Variants in IYD observed in about 807,000 individuals in gnomAD.
The protein encoded by IYD is iodotyrosine deiodinase 1.
Under a neutral mutation model 28.4 loss-of-function variants are expected in IYD, and 25 were observed. That is an observed-to-expected ratio of 0.88 (90% CI 0.64 to 1.23). The LOEUF (loss-of-function observed/expected upper bound fraction) is 1.23. IYD is among the 50% of genes most tolerant of loss of function. IYD has a pLI of 0.00. For synonymous variants in IYD, 140 were observed against 130.8 expected, an observed-to-expected ratio of 1.07 and a Z score of -0.48; for missense variants, 352 against 357.9, an observed-to-expected ratio of 0.98 and a Z score of 0.13.
At chr6:150,375,101 C>T (rs991613990) in intron 1 of IYD, among the ~76,000 whole-genome samples, 4 of 152,210 alleles carry the variant, frequency 2.6e-5, no homozygotes, top group Non-Finnish European at 5.9e-5. Flanking sequence ...ATCTATACAG[C>T]AGCCAGATGT....
At chr6:150,369,877 C>A (rs1167378928) in intron 1 of IYD, 9 of 674,586 alleles carry the variant, frequency 1.3e-5, no homozygotes, top group Non-Finnish European at 2.2e-5. Context: ...GGAGCAGAAG[C>A]ACCTGGAGGC....
chr6:150,378,434 G>GT (rs1029906201), intron 1 of IYD, among the ~76,000 whole-genome samples: 2 of 151,966 alleles, frequency 1.3e-5, no homozygotes, highest in African/African-American at 4.8e-5. Context: ...GCGGTGTTTG[G>GT]TTTTTTGTCC....
At chr6:150,371,898 C>G (rs989641675) in intron 1 of IYD, among the ~76,000 whole-genome samples, 1 of 152,110 alleles carries the variant, frequency 6.6e-6, no homozygotes, top group Non-Finnish European at 1.5e-5. Context: ...CAGTGAGAAC[C>G]AATGCTTAAA....
intron 2 of IYD, among the ~76,000 whole-genome samples, chr6:150,391,233 CAAAAAAA>C (rs3842126): frequency 0.021 from 2,417 of 114,160 alleles, 62 homozygotes; most frequent in African/African-American, 0.068. Context: ...GAGACGCCAT[CAAAAAAA>C]AAAAAAAAAA....
intron 1 of IYD, among the ~76,000 whole-genome samples, chr6:150,387,514 T>C (rs955666679): frequency 1.3e-5 from 2 of 151,960 alleles, no homozygotes; most frequent in African/African-American, 4.8e-5. Flanking sequence ...AAATCTCAGA[T>C]GCTATCTTTT....
chr6:150,369,217 C>T lies in IYD; in HGVS notation c.178+8C>T. 1 of 1,611,070 alleles carries T rather than the reference C, an allele frequency of 6.2e-7. No homozygotes were observed. On this transcript the variant is annotated splice_region_variant and intron_variant, in intron 1 of 4. Coordinates refer to ENST00000344419, the MANE Select transcript of IYD (RefSeq NM_203395.3). ...TGCACCAAGCAGAAGAAGGTAAAGACACCAGCTATGCTGCTTAGCTTCGCT... is the reference window on the plus strand; with the variant it reads ...TGCACCAAGCAGAAGAAGGTAAAGATACCAGCTATGCTGCTTAGCTTCGCT...
At chr6:150,388,300 T>C (rs1405101456) in intron 1 of IYD, among the ~76,000 whole-genome samples, 1 of 152,224 alleles carries the variant, frequency 6.6e-6, no homozygotes, top group Non-Finnish European at 1.5e-5. Flanking sequence ...GGCTTTGATA[T>C]CTGTCACCCT....
At position 150,397,138 on chromosome 6, in the gene IYD, A is replaced by C. The variant is rs147023324; in HGVS notation, c.688-917A>C. Among the ~76,000 whole-genome samples the C allele has an allele frequency of 3.4e-3, 521 of 152,304 alleles. 5 individuals are homozygous for C. The highest frequency in any genetic ancestry group is 0.012 in the African/African-American group (488 of 41,564). ...AGTCACTCTAGATTCATATATGTGC[A>C]TGTGTGCATGTATCTATATATGGGT... On this transcript the variant is annotated intron_variant, in intron 4 of 4. Coordinates refer to ENST00000344419, the MANE Select transcript of IYD (RefSeq NM_203395.3).
intron 1 of IYD, 61 bp downstream of exon 1, chr6:150,369,270 G>A (rs1247698545): frequency 7.9e-6 from 12 of 1,514,124 alleles, no homozygotes; most frequent in Non-Finnish European, 1.0e-5. Flanking sequence ...ATGAGTGTGA[G>A]TCAATGGCAG....
intron 1 of IYD, chr6:150,369,942 G>A (rs923860809): frequency 1.0e-5 from 7 of 701,936 alleles, no homozygotes; most frequent in Admixed American, 8.0e-5. Flanking sequence ...GAGAGGGTAA[G>A]AATGGAAGTA....
chr6:150,377,254 T>A lies in IYD; in HGVS notation c.178+8045T>A, dbSNP rs192783014. Among the ~76,000 whole-genome samples, 28 of 152,290 alleles carry A rather than the reference T, an allele frequency of 1.8e-4. 1 individual carries two copies. The highest frequency in any genetic ancestry group is 1.6e-3 in the Admixed American group (25 of 15,288). ...TGTGTGGACCTTCGAGCTTGAATAA[T>A]CCCTAGTGGCTCCACTGCTCTAGAG... On this transcript the variant is annotated intron_variant, in intron 1 of 4. Coordinates refer to ENST00000344419, the MANE Select transcript of IYD (RefSeq NM_203395.3).
chr6:150,403,285 T>C lies in IYD; in HGVS notation c.*5048T>C, dbSNP rs1160721980. 6.6e-6 allele frequency: 1 copy of C among 152,248 alleles called. No individual in the cohort carries two copies. Among genetic ancestry groups the C allele is most frequent in the Non-Finnish European group, 1.5e-5 (1 of 68,056 alleles). 9.4% of individuals were successfully genotyped at this position (152,248 alleles called of 1,614,324 possible). A position where few individuals can be genotyped will look rare whatever the true frequency, so the allele number is the denominator to read the frequency against. On this transcript the variant is annotated 3_prime_UTR_variant, in exon 5 of 5. Transcript: ENST00000344419. Reference sequence around the variant, plus strand: ...GTATCAGCAGAGTGCCCTCTTATAATTTGTGTGAAATGGAAACAAAGGTAA... The same window carrying C: ...GTATCAGCAGAGTGCCCTCTTATAACTTGTGTGAAATGGAAACAAAGGTAA...
chr6:150,376,338 C>T (rs1428001172), intron 1 of IYD, among the ~76,000 whole-genome samples: 3 of 152,122 alleles, frequency 2.0e-5, no homozygotes, highest in Non-Finnish European at 4.4e-5. Context: ...ACTGGGGAAT[C>T]GCCAATAACC....
At chr6:150,387,677 G>T (rs1296169451) in intron 1 of IYD, among the ~76,000 whole-genome samples, 2 of 151,654 alleles carry the variant, frequency 1.3e-5, no homozygotes, top group Non-Finnish European at 2.9e-5. Context: ...GTTTTCTTCT[G>T]ACTTACCTCC....
intron 2 of IYD, among the ~76,000 whole-genome samples, chr6:150,390,801 T>A (rs1778086315): frequency 6.6e-6 from 1 of 152,080 alleles, no homozygotes; most frequent in African/African-American, 2.4e-5. Flanking sequence ...CCACAGGAAT[T>A]GAGGCTCCTT....
intron 3 of IYD, among the ~76,000 whole-genome samples, chr6:150,392,929 A>G (rs1208230584): frequency 6.6e-6 from 1 of 152,116 alleles, no homozygotes; most frequent in Non-Finnish European, 1.5e-5. Context: ...TCCAGGAAAG[A>G]AGTGGAGGGG....
chr6:150,370,492 A>T lies in IYD; in HGVS notation c.178+1283A>T, dbSNP rs796873658. 74 of 985,412 alleles carry T rather than the reference A, an allele frequency of 7.5e-5. No homozygotes were observed. The African/African-American group carries it at 1.1e-3, about 14-fold the overall frequency. 61.0% of individuals were successfully genotyped at this position (985,412 alleles called of 1,614,324 possible). ...CTCAGGACCGGGGCGCAGGGTGTCCAGCTGGCTCTCAGTGCTAACAGCCTG... is the reference window on the plus strand; with the variant it reads ...CTCAGGACCGGGGCGCAGGGTGTCCTGCTGGCTCTCAGTGCTAACAGCCTG... On this transcript the variant is annotated intron_variant, in intron 1 of 4. Coordinates refer to ENST00000344419, the MANE Select transcript of IYD (RefSeq NM_203395.3).
rs751591526 is a variant in IYD at position 150,398,248 on chromosome 6, C to G, written c.*11C>G. On this transcript the variant is annotated 3_prime_UTR_variant, in exon 5 of 5. Transcript: ENST00000344419. ...ATGGTGACAGTGTAGGCAGGGCCCCCCAAGGGAGTGGCAGGGAGATGGCGC... is the reference window on the plus strand; with the variant it reads ...ATGGTGACAGTGTAGGCAGGGCCCCGCAAGGGAGTGGCAGGGAGATGGCGC... 4 of 1,613,876 alleles carry G rather than the reference C, an allele frequency of 2.5e-6. No homozygotes were observed. In the African/African-American group the frequency reaches 4.0e-5, roughly 16 times the overall value.
chr6:150,403,794 G>T lies in IYD; in HGVS notation c.*5557G>T, dbSNP rs575482917. Reference sequence around the variant, plus strand: ...TCATGGCTCAGAGCCAAATGTTCAGGATTGAATTCAACAGCATTTAAATGT... The same window carrying T: ...TCATGGCTCAGAGCCAAATGTTCAGTATTGAATTCAACAGCATTTAAATGT... On this transcript the variant is annotated 3_prime_UTR_variant, in exon 5 of 5. Coordinates refer to ENST00000344419, the MANE Select transcript of IYD (RefSeq NM_203395.3). 6.6e-6 allele frequency: 1 copy of T among 152,338 alleles called. No homozygotes were observed. Among genetic ancestry groups the T allele is most frequent in the East Asian group, 1.9e-4 (1 of 5,184 alleles). The allele number at this position is 152,338 out of a possible 1,614,324, so 9.4% of individuals were successfully genotyped here.
Sources: gnomAD v4.1 joint callset for allele counts (sites outside exome capture counted in the v4.1 genomes callset) on GRCh38, gnomAD v4.1.1 for gene constraint, MANE v1.5 for transcripts, NCBI Gene and HGNC (gene_info 2026-07-23, HGNC 2026-07-21) for gene names.